The following TEX11 variants were observed in gnomAD, a reference collection of about 807,000 sequenced individuals.
TEX11 encodes testis-expressed protein 11.
Under a neutral mutation model 84.4 loss-of-function variants are expected in TEX11, and 7 were observed. The observed-to-expected ratio is 0.08, with a 90% confidence interval of 0.05 to 0.16. The LOEUF (loss-of-function observed/expected upper bound fraction) is 0.16. Ranked by LOEUF, TEX11 falls within the 10% of genes least tolerant of loss-of-function variation. TEX11 has a pLI of 1.00. For synonymous variants in TEX11, 264 were observed against 222.8 expected (o/e 1.18, Z -1.64); for missense variants, 551 against 660.5 (o/e 0.83, Z 1.82).
At chrX:70,611,934 G>A (rs759963699) in intron 20 of TEX11, among the ~76,000 whole-genome samples, 1 of 111,242 alleles carries the variant, frequency 9.0e-6, no homozygotes, top group South Asian at 3.9e-4. Flanking sequence ...CCAGGAGTTT[G>A]AGACTAGTCT....
chrX:70,821,066 A>G (rs1400118149), intron 8 of TEX11, among the ~76,000 whole-genome samples: 2 of 111,904 alleles, frequency 1.8e-5, no homozygotes, highest in Non-Finnish European at 3.8e-5. Context: ...GTGAAAAAGC[A>G]TCCTACAAAA....
intron 16 of TEX11, among the ~76,000 whole-genome samples, chrX:70,669,390 G>A (rs1211017027): frequency 1.8e-5 from 2 of 111,939 alleles, no homozygotes. Flanking sequence ...TTCTGAAATA[G>A]TGCTGTCCTG....
At chrX:70,574,408 C>T (rs1171496656) in intron 25 of TEX11, among the ~76,000 whole-genome samples, 1 of 111,449 alleles carries the variant, frequency 9.0e-6, no homozygotes, top group Non-Finnish European at 1.9e-5. Flanking sequence ...GGAAACCTGC[C>T]CTTCTCTGCT....
At chrX:70,889,250 T>C (rs1264355668) in intron 2 of TEX11, among the ~76,000 whole-genome samples, 2 of 109,865 alleles carry the variant, frequency 1.8e-5, no homozygotes, top group African/African-American at 6.6e-5. Flanking sequence ...ACCCCATCTC[T>C]ACTAAAAAGA....
At chrX:70,646,747 C>G (rs1308233998) in intron 17 of TEX11, among the ~76,000 whole-genome samples, 1 of 111,641 alleles carries the variant, frequency 9.0e-6, no homozygotes, top group African/African-American at 3.3e-5. Context: ...GACAAGGATG[C>G]GGAGAATAGG....
chrX:70,731,135 C>G (rs2090646105), intron 11 of TEX11, among the ~76,000 whole-genome samples: 2 of 112,054 alleles, frequency 1.8e-5, no homozygotes, highest in Admixed American at 9.5e-5. Context: ...ACCAGAATCT[C>G]TGGGACACAT....
Position 70,858,421 on chromosome X carries a change from G to A in TEX11, c.324+2436C>T, listed in dbSNP as rs182994493. On this transcript the variant is annotated intron_variant, in intron 5 of 29. Coordinates refer to ENST00000374333, the MANE Select transcript of TEX11 (RefSeq NM_031276.3). ...CATGCCACTGCACTCCAGCCTGGGC[G>A]ACAGAGTGAGACTCCATCTCAAGAA... is the stretch of plus-strand genomic sequence containing the variant. 2.6e-3 allele frequency among the ~76,000 whole-genome samples: 260 copies of A among 99,875 alleles called. 1 individual carries two copies. The highest frequency in any genetic ancestry group is 4.1e-3 in the Non-Finnish European group (210 of 50,723). 86.7% of individuals were successfully genotyped at this position (99,875 alleles called of 115,157 possible).
intron 1 of TEX11, among the ~76,000 whole-genome samples, chrX:70,908,202 G>T (rs1051844621): frequency 9.0e-6 from 1 of 111,457 alleles, no homozygotes; most frequent in African/African-American, 3.3e-5. Context: ...TGCCCCCAAC[G>T]GTCATGAACA....
chrX:70,708,089 A>G (rs1019228443), intron 13 of TEX11, among the ~76,000 whole-genome samples: 1 of 111,313 alleles, frequency 9.0e-6, no homozygotes, highest in African/African-American at 3.3e-5. Context: ...GATTTTTTAA[A>G]AAAATCAACA....
chrX:70,606,611 G>T (rs1001813391), intron 23 of TEX11, among the ~76,000 whole-genome samples: 11 of 111,367 alleles, frequency 9.9e-5, no homozygotes, highest in Non-Finnish European at 2.1e-4. Flanking sequence ...TAATGTGTTG[G>T]TAATTAACAA....
In TEX11 at chrX:70,884,595, C is replaced by A. The variant is rs556365908; in HGVS notation, c.38-4486G>T. 1.9e-4 allele frequency among the ~76,000 whole-genome samples: 21 copies of A among 111,316 alleles called. No homozygotes were observed. In the South Asian group the frequency reaches 7.7e-3, roughly 41 times the overall value. ...AAAATTACATTGTAAATCGTAATTTCTATCCACGGTCACAAAGATAATAAT... is the reference window on the plus strand; with the variant it reads ...AAAATTACATTGTAAATCGTAATTTATATCCACGGTCACAAAGATAATAAT... On this transcript the variant is annotated intron_variant, in intron 2 of 29. Coordinates refer to ENST00000374333, the MANE Select transcript of TEX11 (RefSeq NM_031276.3).
At chrX:70,515,517 T>C in the TEX11 span, among the ~76,000 whole-genome samples, 1 of 112,413 alleles carries the variant, frequency 8.9e-6, no homozygotes, top group Non-Finnish European at 1.9e-5. Flanking sequence ...ATCCAGTCTA[T>C]CACTGATGGA....
intron 7 of TEX11, among the ~76,000 whole-genome samples, chrX:70,849,752 CATCACTT>C (rs2091497555): frequency 8.9e-6 from 1 of 112,100 alleles, no homozygotes; most frequent in African/African-American, 3.2e-5. Context: ...CTGAAGATGT[CATCACTT>C]ATCAAAGTCA....
chrX:70,706,281 G>A (rs980462625), intron 13 of TEX11, among the ~76,000 whole-genome samples: 11 of 105,488 alleles, frequency 1.0e-4, no homozygotes, highest in African/African-American at 1.4e-4. Context: ...ACACAGGAAG[G>A]GGAACATCAC....
downstream of TEX11, among the ~76,000 whole-genome samples, chrX:70,525,575 G>A (rs2087814530): frequency 1.0e-5 from 1 of 97,994 alleles, no homozygotes; most frequent in South Asian, 4.7e-4. Context: ...CAACAGAGCA[G>A]GACCCTATCT....
At chrX:70,567,778 T>C (rs1468757952) in intron 25 of TEX11, among the ~76,000 whole-genome samples, 2 of 111,964 alleles carry the variant, frequency 1.8e-5, no homozygotes, top group African/African-American at 6.5e-5. Context: ...GACAGTTTGT[T>C]ATAATGTTTG....
intron 27 of TEX11, among the ~76,000 whole-genome samples, chrX:70,552,810 T>C (rs2088234114): frequency 8.9e-6 from 1 of 111,879 alleles, no homozygotes; most frequent in Admixed American, 9.6e-5. Context: ...TTAACATTTG[T>C]TAAATCTGGG....
intron 20 of TEX11, among the ~76,000 whole-genome samples, chrX:70,614,194 T>C (rs1335177698): frequency 9.0e-6 from 1 of 111,370 alleles, no homozygotes; most frequent in African/African-American, 3.3e-5. Context: ...GTCTTATGCC[T>C]TAGGTACCAG....
chrX:70,618,933 A>G (rs1034030836), intron 20 of TEX11, among the ~76,000 whole-genome samples: 3 of 111,145 alleles, frequency 2.7e-5, no homozygotes, highest in Non-Finnish European at 5.7e-5. Context: ...ACTGGCTTAC[A>G]TGCCTTCACA....
Sources: gnomAD v4.1 joint callset for allele counts (sites outside exome capture counted in the v4.1 genomes callset) on GRCh38, gnomAD v4.1.1 for gene constraint, MANE v1.5 for transcripts, NCBI Gene and HGNC (gene_info 2026-07-23, HGNC 2026-07-21) for gene names.